Variants in ARNT2 observed in about 807,000 individuals in gnomAD.
ARNT2 encodes ARNT protein 2.
Under a neutral mutation model 91.7 loss-of-function variants are expected in ARNT2, and 36 were observed. The observed-to-expected ratio is 0.39, with a 90% CI of 0.30 to 0.52. The LOEUF (loss-of-function observed/expected upper bound fraction) is 0.52, where lower values mean the gene tolerates loss of function less well. ARNT2 is among the 20% of genes least tolerant of loss of function. ARNT2 has a pLI of 0.72. For missense variants in ARNT2, 775 were observed against 939.3 expected (o/e 0.83, Z 2.29); for synonymous variants, 365 against 347.1 (o/e 1.05, Z -0.57).
At chr15:80,457,382 A>G (rs1361541149) in intron 2 of ARNT2, among the ~76,000 whole-genome samples, 1 of 152,084 alleles carries the variant, frequency 6.6e-6, no homozygotes, top group Non-Finnish European at 1.5e-5. Context: ...TTTCACTTTG[A>G]CTCATCAAGA....
In ARNT2 at chr15:80,475,593, A is replaced by T. The variant is rs376073855; in HGVS notation, c.622+370A>T. On this transcript the variant is annotated intron_variant, in intron 5 of 18. Transcript: ENST00000303329. ...AAAAAAAAAAAAATTATTTTAGTAA[A>T]CAGGCCAGGAAACTGGAGGCCATAA... 1.5e-4 allele frequency: 27 copies of T among 176,702 alleles called. No homozygotes were observed. In the East Asian group the frequency reaches 3.9e-3, roughly 25 times the overall value. The allele number at this position is 176,702 out of a possible 1,614,324, so 10.9% of individuals were successfully genotyped here. A position where few individuals can be genotyped will look rare whatever the true frequency, so the allele number is the denominator to read the frequency against.
Position 80,591,557 on chromosome 15 carries a change from G to C in ARNT2, c.1919-11G>C. On this transcript the variant is annotated splice_polypyrimidine_tract_variant and intron_variant, in intron 17 of 18. Coordinates refer to ENST00000303329, the MANE Select transcript of ARNT2 (RefSeq NM_014862.4). The surrounding 1 kb of genome is among the most constrained non-coding windows in gnomAD (Gnocchi z 5.1). ...TTTTAAAGGAAGTGTCCTGTGTGTC[G>C]AATCTTTCAGCTGAAAGTGGACAAA... The C allele has an allele frequency of 6.2e-7, 1 of 1,614,034 alleles. No homozygotes were observed.
chr15:80,451,037 T>A, intron 2 of ARNT2, 43 bp downstream of exon 2: 2 of 1,557,326 alleles, frequency 1.3e-6, no homozygotes, highest in Non-Finnish European at 1.8e-6. Context: ...TAATAAATGT[T>A]GAGCAATGCT....
At chr15:80,552,073 G>A (rs1202814021) in intron 9 of ARNT2, among the ~76,000 whole-genome samples, 1 of 152,168 alleles carries the variant, frequency 6.6e-6, no homozygotes, top group African/African-American at 2.4e-5. Context: ...ATGCTGAAGA[G>A]GAGAGACATA....
chr15:80,587,804 G>T (rs148725267), intron 17 of ARNT2, among the ~76,000 whole-genome samples: 2 of 152,354 alleles, frequency 1.3e-5, no homozygotes, highest in East Asian at 3.9e-4. Context: ...CAGTAGCACA[G>T]AGATGTAACT....
chr15:80,419,043 C>T (rs1167549025), intron 1 of ARNT2, among the ~76,000 whole-genome samples: 1 of 152,106 alleles, frequency 6.6e-6, no homozygotes, highest in Non-Finnish European at 1.5e-5. Context: ...AATATTCCAG[C>T]ACTGGAAACA....
intron 1 of ARNT2, among the ~76,000 whole-genome samples, chr15:80,449,656 C>G (rs1326821376): frequency 6.6e-6 from 1 of 152,064 alleles, no homozygotes; most frequent in Non-Finnish European, 1.5e-5. Flanking sequence ...TTGTAAAATT[C>G]TTCTTCAAGA....
intron 1 of ARNT2, among the ~76,000 whole-genome samples, chr15:80,423,628 C>T (rs1242424422): frequency 1.3e-5 from 2 of 152,086 alleles, no homozygotes; most frequent in African/African-American, 4.8e-5. Context: ...ATTTGATTTG[C>T]TAAGATCCAT....
At chr15:80,515,124 A>G (rs958635744) in intron 8 of ARNT2, among the ~76,000 whole-genome samples, 2 of 152,224 alleles carry the variant, frequency 1.3e-5, no homozygotes, top group South Asian at 2.1e-4. Context: ...AATGTTGATG[A>G]GAATGTGGAG....
intron 1 of ARNT2, among the ~76,000 whole-genome samples, chr15:80,415,566 A>G (rs114290943): frequency 0.03 from 4,543 of 152,262 alleles, 207 homozygotes; most frequent in African/African-American, 0.1. Context: ...GGACATTCTT[A>G]TTGGCAGCAG....
chr15:80,423,563 G>T (rs1335965325), intron 1 of ARNT2, among the ~76,000 whole-genome samples: 1 of 152,018 alleles, frequency 6.6e-6, no homozygotes, highest in African/African-American at 2.4e-5. Context: ...CTGAATAAAA[G>T]GCACATAGTA....
At chr15:80,500,591 C>T (rs976032992) in intron 5 of ARNT2, among the ~76,000 whole-genome samples, 19 of 152,106 alleles carry the variant, frequency 1.2e-4, no homozygotes, top group African/African-American at 3.4e-4. Flanking sequence ...AAGTTACTAC[C>T]GACCAAAATA....
intron 3 of ARNT2, among the ~76,000 whole-genome samples, 197 bp from the exon 4 acceptor site, chr15:80,470,021 C>G (rs1166654624): frequency 3.3e-5 from 5 of 152,106 alleles, no homozygotes; most frequent in African/African-American, 1.2e-4. Context: ...TCTGTGCTTC[C>G]AACACATAGA....
intron 12 of ARNT2, among the ~76,000 whole-genome samples, chr15:80,567,381 C>T (rs1418731743): frequency 6.6e-6 from 1 of 152,150 alleles, no homozygotes; most frequent in Non-Finnish European, 1.5e-5. Flanking sequence ...CAGGCTCATA[C>T]CTCCTGTCAT....
chr15:80,461,841 G>A (rs376965048), intron 3 of ARNT2, among the ~76,000 whole-genome samples: 23 of 152,148 alleles, frequency 1.5e-4, no homozygotes, highest in African/African-American at 5.6e-4. Context: ...CAAGAAAGCA[G>A]CCTCCACTGG....
At chr15:80,491,957 G>A (rs1006912274) in intron 5 of ARNT2, among the ~76,000 whole-genome samples, 1 of 151,920 alleles carries the variant, frequency 6.6e-6, no homozygotes, top group Non-Finnish European at 1.5e-5. Flanking sequence ...AATTGCCTTT[G>A]CACACCAATT....
intron 8 of ARNT2, among the ~76,000 whole-genome samples, chr15:80,531,695 A>T (rs191255322): frequency 6.6e-6 from 1 of 152,288 alleles, no homozygotes; most frequent in East Asian, 1.9e-4. Context: ...CTTGAGTAGG[A>T]GCTGGATCTC....
chr15:80,562,570 G>A (rs748526209), intron 11 of ARNT2, among the ~76,000 whole-genome samples: 6 of 152,182 alleles, frequency 3.9e-5, no homozygotes, highest in Non-Finnish European at 8.8e-5. Context: ...CATAGAAAGT[G>A]ATCATTTCAT....
intron 8 of ARNT2, among the ~76,000 whole-genome samples, chr15:80,546,545 C>T (rs549759593): frequency 4.6e-5 from 7 of 152,170 alleles, no homozygotes; most frequent in South Asian, 4.1e-4. Context: ...GATTTGGGCA[C>T]GATTTTGAAA....
Sources: gnomAD v4.1 joint callset for allele counts (sites outside exome capture counted in the v4.1 genomes callset) on GRCh38, gnomAD v4.1.1 for gene constraint, Gnocchi (gnomAD v3.1) non-coding constraint, MANE v1.5 for transcripts, NCBI Gene and HGNC (gene_info 2026-07-23, HGNC 2026-07-21) for gene names.